TREX1: variants seen among roughly 807,000 people sequenced by gnomAD.
The protein encoded by TREX1 is three-prime repair exonuclease 1.
TREX1 carries 11 observed loss-of-function variants against 13.7 expected under a neutral mutation model. That is an observed-to-expected ratio of 0.80 (90% CI 0.51 to 1.33). TREX1 has a LOEUF of 1.33. TREX1 is among the 40% of genes most tolerant of loss of function. TREX1 has a pLI of 0.00. For missense variants in TREX1, 409 were observed against 404.4 expected, an observed-to-expected ratio of 1.01 and a Z score of -0.10; for synonymous variants, 178 against 178.8, an observed-to-expected ratio of 1.00 and a Z score of 0.03.
upstream of TREX1, chr3:48,465,833 ATTGC>A: frequency 2.5e-6 from 1 of 393,300 alleles, no homozygotes; most frequent in Non-Finnish European, 4.8e-6. Context: ...GTCCTGAGTC[ATTGC>A]TTTGGGCTGG....
Position 48,467,370 on chromosome 3 carries a change from G to A in TREX1, c.715G>A (p.Ala239Thr). The A allele has an allele frequency of 1.9e-6, 3 of 1,614,158 alleles. No homozygotes were observed. Among genetic ancestry groups the A allele is most frequent in the Non-Finnish European group, 2.5e-6 (3 of 1,180,028 alleles). Reference sequence around the variant, plus strand: ...GCCCATGTATGGGGTCACAGCCTCTGCTAGGACCAAGCCAAGACCATCTGC... The same window carrying A: ...GCCCATGTATGGGGTCACAGCCTCTACTAGGACCAAGCCAAGACCATCTGC... ...IRPMYGVTASARTKPRPSAVT... is the reference protein window; with the variant it reads ...IRPMYGVTASTRTKPRPSAVT... Residue 239 changes from alanine to threonine, a missense_variant, in exon 2 of 2, where the codon GCT becomes ACT. By Grantham distance (58) the Ala-to-Thr change is moderately conservative. Coordinates refer to ENST00000625293, the MANE Select transcript of TREX1 (RefSeq NM_033629.6).
In TREX1 at chr3:48,467,379, A is replaced by G; in HGVS notation, c.724A>G (p.Lys242Glu). The change falls in exon 2 of 2, where the codon AAG becomes GAG. Residue 242 changes from lysine to glutamate, a missense_variant. Lys to Glu is a moderately conservative substitution (Grantham distance 56). Transcript: ENST00000625293. ...TGGGGTCACAGCCTCTGCTAGGACC[A>G]AGCCAAGACCATCTGCTGTCACAAC... ...MYGVTASARTKPRPSAVTTTA... is the reference protein window; with the variant it reads ...MYGVTASARTEPRPSAVTTTA... 6.2e-7 allele frequency: 1 copy of G among 1,614,198 alleles called. No homozygotes were observed. The highest frequency in any genetic ancestry group is 8.5e-7 in the Non-Finnish European group (1 of 1,180,034).
At position 48,466,940 on chromosome 3, in the gene TREX1, T is replaced by G. The variant is rs752867591; in HGVS notation, c.285T>G (p.His95Gln). 1 of 1,611,708 alleles carries G rather than the reference T, an allele frequency of 6.2e-7. No individual in the cohort carries two copies. The highest frequency in any genetic ancestry group is 8.5e-7 in the Non-Finnish European group (1 of 1,180,006). The change falls in exon 2 of 2, where the codon CAT (histidine) becomes CAG (glutamine). Residue 95 changes from histidine to glutamine, a missense_variant. By Grantham distance (24) the His-to-Gln change is conservative. Coordinates refer to ENST00000625293, the MANE Select transcript of TREX1 (RefSeq NM_033629.6). ...TGLSTAVLAA[H>Q]GRQCFDDNLA... ...TGAGCACAGCTGTGCTGGCAGCGCATGGGCGTCAATGTTTTGATGACAACC... is the reference window on the plus strand; with the variant it reads ...TGAGCACAGCTGTGCTGGCAGCGCAGGGGCGTCAATGTTTTGATGACAACC...
intron 1 of TREX1, 64 bp from the exon 2 acceptor site, chr3:48,466,566 C>G: frequency 1.2e-6 from 2 of 1,613,946 alleles, no homozygotes; most frequent in Non-Finnish European, 1.7e-6. Context: ...ACCCCCTACC[C>G]CACTCCCTCC....
In TREX1 at chr3:48,467,265, C is replaced by G; in HGVS notation, c.610C>G (p.Leu204Val). Residue 204 changes from leucine (L) to valine (V), a missense_variant, in exon 2 of 2, where the codon CTG becomes GTG. By Grantham distance (32) the Leu-to-Val change is conservative. Coordinates refer to ENST00000625293, the MANE Select transcript of TREX1 (RefSeq NM_033629.6). ...SHTAEGDVLA[L>V]LSICQWRPQA... ...CACGGCTGAGGGTGATGTCCTGGCC[C>G]TGCTCAGCATCTGTCAGTGGAGACC... 1.2e-6 allele frequency: 2 copies of G among 1,614,162 alleles called. No individual in the cohort carries two copies. The highest frequency in any genetic ancestry group is 3.3e-4 in the Middle Eastern group (2 of 6,062).
Position 48,467,595 on chromosome 3 carries a change from G to A in TREX1, c.940G>A (p.Glu314Lys). 6.2e-7 allele frequency: 1 copy of A among 1,610,716 alleles called. No homozygotes were observed. The highest frequency in any genetic ancestry group is 8.5e-7 in the Non-Finnish European group (1 of 1,178,070). ...LYGLSLATPG[E>K] ...TGGACTATCCCTGGCCACACCTGGG[G>A]AGTAGGCCAAGAAGGAAAATCTGAC... The change falls in exon 2 of 2, where the codon GAG (glutamate) becomes AAG (lysine). Residue 314 changes from glutamate (E) to lysine (K), a missense_variant. By Grantham distance (56) the Glu-to-Lys change is moderately conservative (BLOSUM62 1). Transcript: ENST00000625293.
rs759962919 is a variant in TREX1, at chr3:48,467,401, C to T, written c.746C>T (p.Thr249Ile). 1.2e-6 allele frequency: 2 copies of T among 1,614,218 alleles called. No homozygotes were observed. Among genetic ancestry groups the T allele is most frequent in the Admixed American group, 1.7e-5 (1 of 60,030 alleles). ...ARTKPRPSAV[T>I]TTAHLATTRN... ...ACCAAGCCAAGACCATCTGCTGTCA[C>T]AACCACTGCACACCTGGCCACAACC... The change falls in exon 2 of 2, where the codon ACA (threonine) becomes ATA (isoleucine). Residue 249 changes from threonine (T) to isoleucine (I), a missense_variant. Coordinates refer to ENST00000625293, the MANE Select transcript of TREX1 (RefSeq NM_033629.6).
chr3:48,466,557 C>G (rs371026419), intron 1 of TREX1, 73 bp from the exon 2 acceptor site: 4 of 1,613,870 alleles, frequency 2.5e-6, no homozygotes, highest in South Asian at 1.1e-5. Context: ...CTTCTGCCCA[C>G]CCCCTACCCC....
intron 1 of TREX1, 41 bp from the exon 2 acceptor site, chr3:48,466,589 A>G (rs764779955): frequency 6.2e-7 from 1 of 1,613,398 alleles, no homozygotes; most frequent in Admixed American, 1.7e-5. Flanking sequence ...TTCGGATCTT[A>G]ACACTGGGCA....
chr3:48,466,775 C>G lies in TREX1; in HGVS notation c.120C>G (p.His40Gln). The G allele has an allele frequency of 6.2e-7, 1 of 1,613,950 alleles. No homozygotes were observed. Among genetic ancestry groups the G allele is most frequent in the Non-Finnish European group, 8.5e-7 (1 of 1,180,018 alleles). ...CGGAGCTGTGCCTGCTGGCTGTCCA[C>G]AGATGTGCCCTGGAGAGCCCCCCCA... The part of the protein sequence containing the change: ...KVTELCLLAV[H>Q]RCALESPPTS... The change falls in exon 2 of 2, where the codon CAC (histidine) becomes CAG (glutamine). Residue 40 changes from histidine to glutamine, a missense_variant. By Grantham distance (24) the His-to-Gln change is conservative (BLOSUM62 0). Coordinates refer to ENST00000625293, the MANE Select transcript of TREX1 (RefSeq NM_033629.6).
chr3:48,466,351 G>A, intron 1 of TREX1, 42 bp downstream of exon 1: 1 of 1,161,160 alleles, frequency 8.6e-7, no homozygotes, highest in East Asian at 2.5e-5. Flanking sequence ...GGGCAGGAGG[G>A]CCATGGGTTC....
rs1560111377 is a variant in TREX1 at position 48,466,695 on chromosome 3, C to T, written c.40C>T (p.Leu14Phe). 6.2e-7 allele frequency: 1 copy of T among 1,614,122 alleles called. No individual in the cohort carries two copies. The highest frequency in any genetic ancestry group is 1.1e-5 in the South Asian group (1 of 91,078). The part of the protein sequence containing the change: ...QALPPGPMQT[L>F]IFFDMEATGL... ...CCTGCCCCCGGGGCCCATGCAGACCCTCATCTTTTTCGACATGGAGGCCAC... is the reference window on the plus strand; with the variant it reads ...CCTGCCCCCGGGGCCCATGCAGACCTTCATCTTTTTCGACATGGAGGCCAC... Residue 14 changes from leucine (L) to phenylalanine (F), a missense_variant, in exon 2 of 2, where the codon CTC becomes TTC. Transcript: ENST00000625293.
chr3:48,467,629 AC>A lies in TREX1; in HGVS notation c.*34del, dbSNP rs760631765. On this transcript the variant is annotated 3_prime_UTR_variant, in exon 2 of 2. Transcript: ENST00000625293. ...AAGAAGGAAAATCTGACGAATAAAG[AC>A]CCCCGCTGCCCCATAGCACTGAGTG... is the stretch of plus-strand genomic sequence containing the variant. 1.3e-6 allele frequency: 2 copies of A among 1,598,318 alleles called. No homozygotes were observed. The highest frequency in any genetic ancestry group is 1.7e-6 in the Non-Finnish European group (2 of 1,172,138).
intron 1 of TREX1, 60 bp downstream of exon 1, chr3:48,466,369 C>A (rs2040296078): frequency 7.2e-7 from 1 of 1,396,014 alleles, no homozygotes; most frequent in Non-Finnish European, 1.0e-6. Context: ...TTCCCCCACC[C>A]CAGACTAAGG....
rs925677400 is a variant in TREX1 at position 48,467,473 on chromosome 3, T to C, written c.818T>C (p.Leu273Pro). 7.4e-6 allele frequency: 12 copies of C among 1,614,130 alleles called. No homozygotes were observed. Among genetic ancestry groups the C allele is most frequent in the Non-Finnish European group, 1.0e-5 (12 of 1,180,008 alleles). The change falls in exon 2 of 2, where the codon CTT (leucine) becomes CCT (proline). Residue 273 changes from leucine to proline, a missense_variant. Coordinates refer to ENST00000625293, the MANE Select transcript of TREX1 (RefSeq NM_033629.6). ...SLGESRGTKDLPPVKDPGALS... is the reference protein window; with the variant it reads ...SLGESRGTKDPPPVKDPGALS... ...GGAGAGAGCAGGGGTACCAAGGATC[T>C]TCCTCCAGTGAAGGACCCTGGAGCC... is the stretch of plus-strand genomic sequence containing the variant.
rs995254335 is a variant in TREX1 at position 48,466,304 on chromosome 3, G to T, written c.-32G>T. On this transcript the variant is annotated 5_prime_UTR_variant, in exon 1 of 2. Coordinates refer to ENST00000625293, the MANE Select transcript of TREX1 (RefSeq NM_033629.6). Reference sequence around the variant, plus strand: ...GTCACTACTGCCTGCCTGCCTGCCTGCTACGGTGAGTGTGGCCCCCACAAT... The same window carrying T: ...GTCACTACTGCCTGCCTGCCTGCCTTCTACGGTGAGTGTGGCCCCCACAAT... 62 of 737,656 alleles carry T rather than the reference G, an allele frequency of 8.4e-5. No individual in the cohort carries two copies. In the South Asian group the frequency reaches 9.6e-4, roughly 11 times the overall value. The allele number at this position is 737,656 out of a possible 1,614,324, so 45.7% of individuals were successfully genotyped here. A position where few individuals can be genotyped will look rare whatever the true frequency, so the allele number is the denominator to read the frequency against.
At chr3:48,466,454 G>A (rs769025334) in intron 1 of TREX1, 145 bp downstream of exon 1, 7 of 1,613,442 alleles carry the variant, frequency 4.3e-6, no homozygotes, top group Non-Finnish European at 5.9e-6. Context: ...GTCCCACTAA[G>A]GAAACCACCT....
rs2107255814 is a variant in TREX1 at position 48,466,780 on chromosome 3, G to A, written c.125G>A (p.Cys42Tyr). 1 of 1,613,910 alleles carries A rather than the reference G, an allele frequency of 6.2e-7. No homozygotes were observed. The highest frequency in any genetic ancestry group is 8.5e-7 in the Non-Finnish European group (1 of 1,180,026). ...CTGTGCCTGCTGGCTGTCCACAGATGTGCCCTGGAGAGCCCCCCCACCTCT... is the reference window on the plus strand; with the variant it reads ...CTGTGCCTGCTGGCTGTCCACAGATATGCCCTGGAGAGCCCCCCCACCTCT... ...TELCLLAVHRCALESPPTSQG... is the reference protein window; with the variant it reads ...TELCLLAVHRYALESPPTSQG... Residue 42 changes from cysteine (C) to tyrosine (Y), a missense_variant, in exon 2 of 2, where the codon TGT (cysteine) becomes TAT (tyrosine). Transcript: ENST00000625293.
Position 48,467,476 on chromosome 3 carries a change from C to G in TREX1, c.821C>G (p.Pro274Arg). 1 of 1,614,172 alleles carries G rather than the reference C, an allele frequency of 6.2e-7. No homozygotes were observed. Among genetic ancestry groups the G allele is most frequent in the East Asian group, 2.2e-5 (1 of 44,892 alleles). ...GAGAGCAGGGGTACCAAGGATCTTC[C>G]TCCAGTGAAGGACCCTGGAGCCCTA... ...LGESRGTKDL[P>R]PVKDPGALSR... Residue 274 changes from proline (P) to arginine (R), a missense_variant, in exon 2 of 2, where the codon CCT (proline) becomes CGT (arginine). Coordinates refer to ENST00000625293, the MANE Select transcript of TREX1 (RefSeq NM_033629.6).
Sources: gnomAD v4.1 joint callset for allele counts on GRCh38, gnomAD v4.1.1 for gene constraint, MANE v1.5 for transcripts, NCBI Gene and HGNC (gene_info 2026-07-23, HGNC 2026-07-21) for gene names.